Variants in CLVS1 observed in about 807,000 individuals in gnomAD.
The protein encoded by CLVS1 is clavesin 1.
In CLVS1, 10 loss-of-function variants were observed where a neutral mutation model predicts 33.1. That is an observed-to-expected ratio of 0.30 (90% CI 0.19 to 0.51). The LOEUF (loss-of-function observed/expected upper bound fraction) is 0.51. Among genes scored for constraint, CLVS1 ranks in the 20% least tolerant of loss-of-function variants. The pLI is 0.97. For missense variants in CLVS1, 343 were observed against 433.4 expected, an observed-to-expected ratio of 0.79 and a Z score of 1.85; for synonymous variants, 163 against 166.1, an observed-to-expected ratio of 0.98 and a Z score of 0.14.
intron 3 of CLVS1, chr8:61,377,245 A>G (rs888468972): frequency 1.3e-5 from 2 of 152,936 alleles, no homozygotes; most frequent in Admixed American, 1.3e-4. Flanking sequence ...CAAAGGAAGC[A>G]GATGAAATTA....
At chr8:60,976,821 C>T in the CLVS1 span, among the ~76,000 whole-genome samples, 1 of 152,244 alleles carries the variant, frequency 6.6e-6, no homozygotes, top group African/African-American at 2.4e-5. Context: ...CGGCTTTCTG[C>T]CGCCCAGTGG....
the CLVS1 span, among the ~76,000 whole-genome samples, chr8:60,996,169 A>G: frequency 5.3e-5 from 8 of 152,258 alleles, no homozygotes; most frequent in Admixed American, 2.0e-4. Context: ...TAATAAAAAA[A>G]AAATTCTTTT....
At chr8:61,303,622 T>C (rs962045257) in intron 2 of CLVS1, among the ~76,000 whole-genome samples, 2 of 152,238 alleles carry the variant, frequency 1.3e-5, no homozygotes, top group African/African-American at 4.8e-5. Context: ...ATGACAAGGC[T>C]ATTCCATTGG....
chr8:61,479,704 C>T (rs1013328912), intron 5 of CLVS1, among the ~76,000 whole-genome samples: 24 of 152,216 alleles, frequency 1.6e-4, no homozygotes, highest in African/African-American at 5.1e-4. Flanking sequence ...TTTTCCCCAT[C>T]TTTGTGGTTT....
chr8:61,253,675 CT>C (rs1809001950), intron 2 of CLVS1, among the ~76,000 whole-genome samples: 3 of 152,128 alleles, frequency 2.0e-5, no homozygotes, highest in Admixed American at 6.5e-5. Flanking sequence ...TTCATTTGAT[CT>C]TCCATCACTG....
At chr8:61,230,719 G>A (rs1358545189) in intron 2 of CLVS1, among the ~76,000 whole-genome samples, 1 of 152,100 alleles carries the variant, frequency 6.6e-6, no homozygotes, top group Admixed American at 6.5e-5. Flanking sequence ...GGCTTAGCAT[G>A]TGTCTTGTTC....
chr8:61,330,770 G>A (rs563934680), intron 2 of CLVS1, among the ~76,000 whole-genome samples: 2 of 152,106 alleles, frequency 1.3e-5, no homozygotes, highest in South Asian at 2.1e-4. Flanking sequence ...GATTTGTCTT[G>A]AGATACACTG....
At chr8:61,089,990 C>T (rs1019475439) in intron 1 of CLVS1, among the ~76,000 whole-genome samples, 11 of 152,180 alleles carry the variant, frequency 7.2e-5, no homozygotes, top group African/African-American at 2.7e-4. Flanking sequence ...CCATCTAATG[C>T]TAATTTGGTT....
At chr8:61,434,841 G>C (rs1255692133) in intron 3 of CLVS1, among the ~76,000 whole-genome samples, 3 of 152,112 alleles carry the variant, frequency 2.0e-5, no homozygotes, top group African/African-American at 7.2e-5. Flanking sequence ...TATCTCCCGG[G>C]TCTAGAGAGA....
intron 5 of CLVS1, among the ~76,000 whole-genome samples, chr8:61,484,906 A>G (rs1426865849): frequency 6.6e-6 from 1 of 152,184 alleles, no homozygotes; most frequent in Non-Finnish European, 1.5e-5. Flanking sequence ...GAAAGCTGAA[A>G]CTGGATCCCT....
chr8:61,232,354 G>A (rs144042040), intron 2 of CLVS1, among the ~76,000 whole-genome samples: 4 of 152,206 alleles, frequency 2.6e-5, no homozygotes, highest in African/African-American at 4.8e-5. Flanking sequence ...TTTTAGGATA[G>A]TGTTAAGGTA....
intron 2 of CLVS1, among the ~76,000 whole-genome samples, chr8:61,240,215 A>G (rs565327160): frequency 2.0e-5 from 3 of 152,360 alleles, no homozygotes; most frequent in Non-Finnish European, 4.4e-5. Context: ...TTAGAATAAA[A>G]GCAAACTCCC....
intron 3 of CLVS1, among the ~76,000 whole-genome samples, chr8:61,434,786 G>A (rs1816255197): frequency 6.6e-6 from 1 of 152,134 alleles, no homozygotes. Flanking sequence ...GTTGTAAACT[G>A]TTTCTTATCA....
intron 2 of CLVS1, among the ~76,000 whole-genome samples, chr8:61,224,642 C>T (rs1028845251): frequency 1.3e-5 from 2 of 152,184 alleles, no homozygotes; most frequent in African/African-American, 4.8e-5. Context: ...GGGGGTCTCA[C>T]CCCGTTGGGT....
At chr8:61,348,570 G>A (rs1812323803) in intron 2 of CLVS1, among the ~76,000 whole-genome samples, 1 of 152,082 alleles carries the variant, frequency 6.6e-6, no homozygotes, top group South Asian at 2.1e-4. Flanking sequence ...TTTTATGGCT[G>A]AATAGTATTT....
At chr8:61,374,842 T>C (rs923232888) in intron 2 of CLVS1, among the ~76,000 whole-genome samples, 2 of 152,168 alleles carry the variant, frequency 1.3e-5, no homozygotes, top group Non-Finnish European at 2.9e-5. Context: ...TTTTTCTATA[T>C]AGCAGAACTA....
chr8:60,977,292 A>C, the CLVS1 span, among the ~76,000 whole-genome samples: 1 of 152,222 alleles, frequency 6.6e-6, no homozygotes, highest in African/African-American at 2.4e-5. Context: ...TATACAAAGA[A>C]ATAGGAAAAT....
chr8:61,487,700 G>A (rs574106807), intron 5 of CLVS1, among the ~76,000 whole-genome samples: 10 of 152,310 alleles, frequency 6.6e-5, no homozygotes, highest in African/African-American at 2.4e-4. Context: ...TCCCTAGTGG[G>A]GAGGATACAG....
chr8:61,172,766 AG>A (rs201455824), intron 2 of CLVS1, among the ~76,000 whole-genome samples: 7,718 of 147,968 alleles, frequency 0.052, 221 homozygotes, highest in African/African-American at 0.061. Flanking sequence ...TCTCCTCCAA[AG>A]GAAGTCAGGG....
Sources: gnomAD v4.1 joint callset for allele counts (sites outside exome capture counted in the v4.1 genomes callset) on GRCh38, gnomAD v4.1.1 for gene constraint, MANE v1.5 for transcripts, NCBI Gene and HGNC (gene_info 2026-07-23, HGNC 2026-07-21) for gene names.